Variants in COX10 observed in about 807,000 individuals in gnomAD.
COX10 encodes cytochrome c oxidase assembly factor heme A:farnesyltransferase COX10.
In COX10, 27 loss-of-function variants were observed where a neutral mutation model predicts 37.3. The ratio of observed to expected loss-of-function variants is 0.72; its 90% CI spans 0.53 to 1.00. The LOEUF is 1.00. Ranked by LOEUF, COX10 falls within the 50% of genes least tolerant of loss-of-function variation. The pLI is 0.00. For synonymous variants in COX10, 222 were observed against 229.1 expected (o/e 0.97, Z 0.28); for missense variants, 475 against 563.2 (o/e 0.84, Z 1.59).
chr17:14,151,047 C>G (rs1280649896), intron 4 of COX10, among the ~76,000 whole-genome samples: 6 of 145,244 alleles, frequency 4.1e-5, no homozygotes, highest in Non-Finnish European at 7.5e-5. Flanking sequence ...TTATGAAAAA[C>G]TAATTATTAT....
chr17:14,097,830 A>C (rs1915682940), intron 3 of COX10, among the ~76,000 whole-genome samples: 1 of 152,180 alleles, frequency 6.6e-6, no homozygotes, highest in East Asian at 1.9e-4. Context: ...GAGATATTTA[A>C]AGTATAATAC....
intron 6 of COX10, among the ~76,000 whole-genome samples, chr17:14,193,930 G>A (rs1168360359): frequency 1.3e-5 from 2 of 151,964 alleles, no homozygotes; most frequent in Non-Finnish European, 2.9e-5. Flanking sequence ...CTTCCTCAAG[G>A]GTGTAGCCCC....
chr17:14,069,592 C>T lies in COX10; in HGVS notation c.-14C>T. 1 of 1,614,028 alleles carries T rather than the reference C, an allele frequency of 6.2e-7. No homozygotes were observed. Among genetic ancestry groups the T allele is most frequent in the Non-Finnish European group, 8.5e-7 (1 of 1,179,990 alleles). ...ACACAGGGATCCCGGGGAGCGGCCC[C>T]AGACTCGTAAATTATGGCCGCATCT... is the stretch of plus-strand genomic sequence containing the variant. On this transcript the variant is annotated 5_prime_UTR_variant, in exon 1 of 7. Coordinates refer to ENST00000261643, the MANE Select transcript of COX10 (RefSeq NM_001303.4).
chr17:14,130,590 A>AT (rs1262297092), intron 4 of COX10, among the ~76,000 whole-genome samples: 9 of 151,744 alleles, frequency 5.9e-5, no homozygotes, highest in South Asian at 2.1e-4. Flanking sequence ...CCCTTATAGG[A>AT]TTTTTTTTCT....
At position 14,159,867 on chromosome 17, in the gene COX10, C is replaced by T. The variant is rs1044830432; in HGVS notation, c.625-10C>T. On this transcript the variant is annotated splice_polypyrimidine_tract_variant and intron_variant, in intron 4 of 6. Transcript: ENST00000261643. Reference sequence around the variant, plus strand: ...TTAATGTTTTCTGTCTTTTTTCATTCTTTTTACAGTTTTTTGAGGTGCCAT... The same window carrying T: ...TTAATGTTTTCTGTCTTTTTTCATTTTTTTTACAGTTTTTTGAGGTGCCAT... 2 of 1,603,932 alleles carry T rather than the reference C, an allele frequency of 1.2e-6. No homozygotes were observed. Among genetic ancestry groups the T allele is most frequent in the East Asian group, 4.5e-5 (2 of 44,714 alleles).
intron 3 of COX10, among the ~76,000 whole-genome samples, chr17:14,089,473 A>ACT (rs1915478202): frequency 2.6e-5 from 4 of 152,192 alleles, no homozygotes; most frequent in Non-Finnish European, 4.4e-5. Context: ...TGTCCAACAG[A>ACT]GCTAGCCCAA....
intron 4 of COX10, among the ~76,000 whole-genome samples, chr17:14,159,500 A>G (rs1012012367): frequency 3.9e-5 from 6 of 152,096 alleles, no homozygotes; most frequent in African/African-American, 9.7e-5. Flanking sequence ...GAGGGACCAC[A>G]TTTTCTCATA....
At chr17:14,190,461 A>G (rs1288692971) in intron 5 of COX10, among the ~76,000 whole-genome samples, 1 of 152,220 alleles carries the variant, frequency 6.6e-6, no homozygotes, top group Non-Finnish European at 1.5e-5. Context: ...ATGTGCACTC[A>G]GAAGTCTCTC....
At chr17:14,163,252 T>TATTTATTTATTC (rs1905206991) in intron 5 of COX10, among the ~76,000 whole-genome samples, 4 of 151,290 alleles carry the variant, frequency 2.6e-5, no homozygotes, top group Admixed American at 2.0e-4. Context: ...TTTATTTATT[T>TATTTATTTATTC]ATTTATTTAT....
chr17:14,164,565 AT>A (rs1905237132), intron 5 of COX10, among the ~76,000 whole-genome samples: 1 of 151,896 alleles, frequency 6.6e-6, no homozygotes, highest in Non-Finnish European at 1.5e-5. Flanking sequence ...ATCTTTTGGG[AT>A]TTTAGACTTT....
intron 1 of COX10, among the ~76,000 whole-genome samples, chr17:14,071,541 T>G (rs1915021782): frequency 6.6e-6 from 1 of 152,090 alleles, no homozygotes; most frequent in Admixed American, 6.5e-5. Context: ...AGTAGTATCA[T>G]GCCTGATTTT....
intron 4 of COX10, among the ~76,000 whole-genome samples, chr17:14,146,959 A>C (rs1567601541): frequency 6.6e-6 from 1 of 152,216 alleles, no homozygotes; most frequent in Non-Finnish European, 1.5e-5. Context: ...ATCTCACCCC[A>C]GTTAAAATGG....
At chr17:14,075,067 G>A (rs1423908023) in intron 2 of COX10, among the ~76,000 whole-genome samples, 1 of 152,182 alleles carries the variant, frequency 6.6e-6, no homozygotes, top group East Asian at 1.9e-4. Flanking sequence ...ATGGCAAAAT[G>A]ATAGCTGAAA....
At chr17:14,124,739 CTTTCA>C (rs1224124564) in intron 4 of COX10, among the ~76,000 whole-genome samples, 1 of 152,094 alleles carries the variant, frequency 6.6e-6, no homozygotes, top group African/African-American at 2.4e-5. Context: ...GTGCTTTCCT[CTTTCA>C]TTTCTTTATC....
intron 3 of COX10, among the ~76,000 whole-genome samples, chr17:14,078,586 G>A (rs1915209069): frequency 6.6e-6 from 1 of 152,088 alleles, no homozygotes; most frequent in Non-Finnish European, 1.5e-5. Flanking sequence ...CCTCATTTCT[G>A]AAGCTGCCAT....
chr17:14,089,752 G>A (rs2142191760), intron 3 of COX10, among the ~76,000 whole-genome samples: 1 of 152,260 alleles, frequency 6.6e-6, no homozygotes, highest in African/African-American at 2.4e-5. Context: ...TGAGATGCTT[G>A]TTATAATGCA....
intron 4 of COX10, among the ~76,000 whole-genome samples, chr17:14,135,848 G>C (rs1597515052): frequency 1.3e-5 from 2 of 151,970 alleles, no homozygotes; most frequent in East Asian, 3.9e-4. Flanking sequence ...AAAGGCATTT[G>C]AGTAGCAAAG....
At chr17:14,118,317 A>G (rs1916157883) in intron 4 of COX10, among the ~76,000 whole-genome samples, 1 of 151,858 alleles carries the variant, frequency 6.6e-6, no homozygotes, top group Non-Finnish European at 1.5e-5. Context: ...CACCCATGTC[A>G]TCTCTATTAT....
intron 3 of COX10, among the ~76,000 whole-genome samples, chr17:14,085,521 T>G (rs925405272): frequency 6.6e-6 from 1 of 152,226 alleles, no homozygotes; most frequent in African/African-American, 2.4e-5. Flanking sequence ...TAATATCATT[T>G]AACATATATC....
Sources: allele counts gnomAD v4.1 joint callset (sites outside exome capture counted in the v4.1 genomes callset), GRCh38; gene constraint gnomAD v4.1.1; transcripts MANE v1.5; gene names NCBI Gene and HGNC (gene_info 2026-07-23, HGNC 2026-07-21).